DNAH9: variants seen among roughly 807,000 people sequenced by gnomAD.
DNAH9 encodes DNAH9 variant protein.
In DNAH9, 345 loss-of-function variants were observed where a neutral mutation model predicts 471.6. That is an observed-to-expected ratio of 0.73 (90% CI 0.67 to 0.80). The LOEUF (loss-of-function observed/expected upper bound fraction) is 0.80, where lower values mean the gene tolerates loss of function less well. DNAH9 is among the 30% of genes least tolerant of loss of function. The pLI is 0.00. For synonymous variants in DNAH9, 2,093 were observed against 2,123.6 expected, an observed-to-expected ratio of 0.99 and a Z score of 0.40; for missense variants, 5,407 against 5,609.2, an observed-to-expected ratio of 0.96 and a Z score of 1.15.
In DNAH9 at chr17:11,699,829, C is replaced by T; in HGVS notation, c.4971C>T (p.Tyr1657=). 1.9e-6 allele frequency: 3 copies of T among 1,614,146 alleles called. No homozygotes were observed. The highest frequency in any genetic ancestry group is 2.5e-6 in the Non-Finnish European group (3 of 1,179,974). The part of the protein sequence containing the change: ...GEPTKTSLGM[Y]SKEEEYVAFS... ...CAACCAAGACAAGCCTCGGCATGTA[C>T]AGCAAAGAAGAGGAGTATGTGGCTT... Residue 1657 remains tyrosine, a synonymous_variant, in exon 23 of 69, where the codon TAC becomes TAT. Transcript: ENST00000262442.
chr17:11,608,340 C>A lies in DNAH9; in HGVS notation c.614+15C>A. The A allele has an allele frequency of 6.3e-7, 1 of 1,582,960 alleles. No individual in the cohort carries two copies. Among genetic ancestry groups the A allele is most frequent in the South Asian group, 1.1e-5 (1 of 89,782 alleles). ...AGTGAGACAGTGTAAGTACCGCCAG[C>A]CTGGCCATATGGGCCTCTGAGATAT... On this transcript the variant is annotated intron_variant, in intron 2 of 68. Coordinates refer to ENST00000262442, the MANE Select transcript of DNAH9 (RefSeq NM_001372.4).
intron 45 of DNAH9, among the ~76,000 whole-genome samples, chr17:11,812,451 G>C (rs974906031): frequency 3.9e-5 from 6 of 152,034 alleles, no homozygotes; most frequent in African/African-American, 1.4e-4. Flanking sequence ...TTTTAGGATA[G>C]TTCCTGACAA....
chr17:11,792,616 A>G (rs1357618103), intron 41 of DNAH9, among the ~76,000 whole-genome samples: 1 of 152,248 alleles, frequency 6.6e-6, no homozygotes, highest in Non-Finnish European at 1.5e-5. Context: ...CCTGTGGCAC[A>G]TAGGAAGGGG....
At chr17:11,768,938 C>T (rs936440528) in intron 37 of DNAH9, among the ~76,000 whole-genome samples, 184 bp from the exon 38 acceptor site, 1 of 152,036 alleles carries the variant, frequency 6.6e-6, no homozygotes, top group African/African-American at 2.4e-5. Flanking sequence ...CTGCGGGGAG[C>T]CCAGAGAGTG....
chr17:11,824,786 A>T (rs371463623), intron 48 of DNAH9, among the ~76,000 whole-genome samples: 1 of 152,080 alleles, frequency 6.6e-6, no homozygotes, highest in Admixed American at 6.6e-5. Context: ...ACAGTTTCAC[A>T]GAAACTGTCC....
intron 4 of DNAH9, 147 bp downstream of exon 4, chr17:11,611,927 C>T: frequency 1.4e-6 from 1 of 732,726 alleles, no homozygotes; most frequent in Non-Finnish European, 2.4e-6. Context: ...AAGAATACCA[C>T]ATCTAGATAC....
At chr17:11,637,013 TAC>T (rs2073179269) in intron 9 of DNAH9, among the ~76,000 whole-genome samples, 1 of 152,190 alleles carries the variant, frequency 6.6e-6, no homozygotes, top group Non-Finnish European at 1.5e-5. Flanking sequence ...CCCAGCGTGG[TAC>T]AGTCTTCACT....
intron 43 of DNAH9, among the ~76,000 whole-genome samples, chr17:11,801,248 T>A (rs1018088974): frequency 6.6e-6 from 1 of 152,196 alleles, no homozygotes; most frequent in Non-Finnish European, 1.5e-5. Context: ...CTCTATACCA[T>A]CATCCTATGA....
chr17:11,793,351 T>G (rs1477971051), intron 41 of DNAH9, 152 bp from the exon 42 acceptor site: 3 of 627,526 alleles, frequency 4.8e-6, no homozygotes, highest in Non-Finnish European at 2.6e-6. Context: ...CCCTTTCAGC[T>G]TCTCAGTGTT....
intron 32 of DNAH9, among the ~76,000 whole-genome samples, chr17:11,752,406 C>T (rs754682032): frequency 1.3e-5 from 2 of 152,154 alleles, no homozygotes; most frequent in Non-Finnish European, 2.9e-5. Context: ...GACTAAAGCA[C>T]AGGGAGAATG....
intron 20 of DNAH9, among the ~76,000 whole-genome samples, chr17:11,693,510 C>T (rs2074373654): frequency 6.6e-6 from 1 of 151,934 alleles, no homozygotes; most frequent in Admixed American, 6.6e-5. Flanking sequence ...CCGCCCGCGT[C>T]AGCCTCCGAA....
rs527835262 is a variant in DNAH9 at position 11,654,355 on chromosome 17, CAAAAAAAAAAA to C, written c.2595+1366_2595+1376del. On this transcript the variant is annotated intron_variant, in intron 14 of 68. Transcript: ENST00000262442. ...TGGGCCACAGAGCGAGACTCCGTCT[CAAAAAAAAAAA>C]AAAAAAAAAAAAGTTTAAAATCGAT... Among the ~76,000 whole-genome samples, 4 of 11,256 alleles carry C rather than the reference CAAAAAAAAAAA, an allele frequency of 3.6e-4. 1 individual carries two copies. Among genetic ancestry groups the C allele is most frequent in the Non-Finnish European group, 8.1e-4 (1 of 1,232 alleles). The allele number at this position is 11,256 out of a possible 152,430, so 7.4% of individuals were successfully genotyped here. A position where few individuals can be genotyped will look rare whatever the true frequency, so the allele number is the denominator to read the frequency against.
intron 59 of DNAH9, 63 bp downstream of exon 59, chr17:11,894,559 G>A: frequency 1.9e-6 from 3 of 1,588,464 alleles, no homozygotes; most frequent in Non-Finnish European, 2.6e-6. Flanking sequence ...TCTGACACTG[G>A]TCCCCATGAA....
chr17:11,726,713 A>G (rs1016488503), intron 27 of DNAH9, among the ~76,000 whole-genome samples: 2 of 152,118 alleles, frequency 1.3e-5, no homozygotes, highest in African/African-American at 4.8e-5. Context: ...GAGCTCCCCT[A>G]TGTCCAGCAC....
intron 49 of DNAH9, among the ~76,000 whole-genome samples, chr17:11,844,557 C>A (rs888883613): frequency 6.6e-6 from 1 of 152,054 alleles, no homozygotes; most frequent in Non-Finnish European, 1.5e-5. Flanking sequence ...AGGCGCACAC[C>A]ACCATGCCCG....
intron 28 of DNAH9, among the ~76,000 whole-genome samples, chr17:11,732,750 T>C (rs574765241): frequency 2.6e-5 from 4 of 152,372 alleles, no homozygotes; most frequent in Admixed American, 2.6e-4. Flanking sequence ...CTTTGGGTTA[T>C]CTGCGCCCGG....
At chr17:11,920,354 C>T (rs960568391) in intron 61 of DNAH9, among the ~76,000 whole-genome samples, 2 of 151,676 alleles carry the variant, frequency 1.3e-5, no homozygotes, top group African/African-American at 4.8e-5. Flanking sequence ...GGCACAGTGG[C>T]TCATGCCTGT....
chr17:11,702,378 C>T (rs115047260), intron 24 of DNAH9, among the ~76,000 whole-genome samples: 1,553 of 152,290 alleles, frequency 0.01, 27 homozygotes, highest in African/African-American at 0.035. Context: ...GGCCACTCCT[C>T]CTTCCCTCAG....
chr17:11,876,847 C>T (rs1011480035), intron 53 of DNAH9, among the ~76,000 whole-genome samples: 10 of 152,142 alleles, frequency 6.6e-5, no homozygotes, highest in African/African-American at 1.2e-4. Context: ...GTTCAGCCTC[C>T]TGAGTAGCTG....
Sources: allele counts gnomAD v4.1 joint callset (sites outside exome capture counted in the v4.1 genomes callset), GRCh38; gene constraint gnomAD v4.1.1; transcripts MANE v1.5; gene names NCBI Gene and HGNC (gene_info 2026-07-23, HGNC 2026-07-21).